The following ERC2 variants were observed in gnomAD, a reference collection of about 807,000 sequenced individuals.
ERC2 encodes ERC protein 2.
ERC2 carries 42 observed loss-of-function variants against 114.8 expected under a neutral mutation model. The observed-to-expected ratio is 0.37, with a 90% CI of 0.29 to 0.47. The LOEUF (loss-of-function observed/expected upper bound fraction) is 0.47, where lower values mean the gene tolerates loss of function less well. Among genes scored for constraint, ERC2 ranks in the 20% least tolerant of loss-of-function variants. The pLI is 0.99. For missense variants in ERC2, 939 were observed against 1,150.7 expected (o/e 0.82, Z 2.66); for synonymous variants, 454 against 425.5 (o/e 1.07, Z -0.82).
At chr3:55,752,556 A>G (rs531842786) in intron 14 of ERC2, among the ~76,000 whole-genome samples, 2 of 152,352 alleles carry the variant, frequency 1.3e-5, no homozygotes, top group African/African-American at 2.4e-5. Context: ...TAGGAAATAC[A>G]TAGCTAACAC....
At chr3:55,796,480 C>G (rs1057194166) in intron 14 of ERC2, among the ~76,000 whole-genome samples, 1 of 152,168 alleles carries the variant, frequency 6.6e-6, no homozygotes. Context: ...GGCTGGAGTG[C>G]AGCAGTGTGA....
At chr3:55,890,778 G>C (rs956972607) in intron 13 of ERC2, among the ~76,000 whole-genome samples, 1 of 152,186 alleles carries the variant, frequency 6.6e-6, no homozygotes, top group African/African-American at 2.4e-5. Context: ...CTTGGAGACA[G>C]AGTTTTAAAA....
At chr3:55,514,035 A>C (rs1442331969) in intron 17 of ERC2, among the ~76,000 whole-genome samples, 2 of 152,210 alleles carry the variant, frequency 1.3e-5, no homozygotes, top group Non-Finnish European at 2.9e-5. Context: ...AGAACGTTTC[A>C]GACCACGTTT....
chr3:55,626,744 G>A (rs1454313691), intron 17 of ERC2, among the ~76,000 whole-genome samples: 7 of 152,200 alleles, frequency 4.6e-5, no homozygotes, highest in Non-Finnish European at 5.9e-5. Flanking sequence ...CACCATAGAA[G>A]CTCCACAGTA....
At chr3:55,855,131 A>AC (rs2149250455) in intron 14 of ERC2, among the ~76,000 whole-genome samples, 1 of 152,330 alleles carries the variant, frequency 6.6e-6, no homozygotes, top group South Asian at 2.1e-4. Context: ...AAGGAGGTGA[A>AC]CTGCCCCATT....
At chr3:55,937,565 A>G (rs1374663548) in intron 13 of ERC2, among the ~76,000 whole-genome samples, 1 of 152,174 alleles carries the variant, frequency 6.6e-6, no homozygotes, top group Non-Finnish European at 1.5e-5. Flanking sequence ...GCTGCACCAG[A>G]TGATGGAAAA....
At chr3:55,924,950 A>G (rs1289329657) in intron 13 of ERC2, among the ~76,000 whole-genome samples, 1 of 152,184 alleles carries the variant, frequency 6.6e-6, no homozygotes, top group East Asian at 1.9e-4. Flanking sequence ...AGGACAGTAC[A>G]GAGAATTATA....
At chr3:55,785,986 T>C (rs1354051891) in intron 14 of ERC2, among the ~76,000 whole-genome samples, 1 of 152,238 alleles carries the variant, frequency 6.6e-6, no homozygotes, top group East Asian at 1.9e-4. Context: ...ATTTATCCTT[T>C]CACTTATTTT....
chr3:56,010,634 G>A (rs2072847428), intron 8 of ERC2, 45 bp from the exon 9 acceptor site: 1 of 1,585,652 alleles, frequency 6.3e-7, no homozygotes, highest in South Asian at 1.1e-5. Flanking sequence ...ACCCATCAGT[G>A]TATATGCCAA....
chr3:55,984,280 C>T (rs1189383575), intron 12 of ERC2, among the ~76,000 whole-genome samples: 2 of 151,536 alleles, frequency 1.3e-5, no homozygotes, highest in African/African-American at 4.9e-5. Flanking sequence ...TGTTCTTTCA[C>T]CATGAAATAG....
intron 15 of ERC2, among the ~76,000 whole-genome samples, chr3:55,710,615 T>C (rs2063730451): frequency 6.6e-6 from 1 of 152,214 alleles, no homozygotes; most frequent in East Asian, 1.9e-4. Context: ...GAAGTTGAAA[T>C]AGCTTAAGTA....
intron 17 of ERC2, among the ~76,000 whole-genome samples, chr3:55,668,316 G>A (rs2061433020): frequency 6.6e-6 from 1 of 152,080 alleles, no homozygotes. Flanking sequence ...ATGACAACTG[G>A]GTTACAGTCT....
At chr3:56,410,625 G>A (rs1398037236) in intron 2 of ERC2, among the ~76,000 whole-genome samples, 1 of 152,108 alleles carries the variant, frequency 6.6e-6, no homozygotes, top group Non-Finnish European at 1.5e-5. Context: ...TTTAGAGGCA[G>A]TTTTTTGTTT....
chr3:55,808,940 T>C (rs1464072558), intron 14 of ERC2, among the ~76,000 whole-genome samples: 1 of 151,542 alleles, frequency 6.6e-6, no homozygotes, highest in Non-Finnish European at 1.5e-5. Flanking sequence ...TATTGATTTA[T>C]TTATTAACTT....
At chr3:56,069,855 GA>G (rs1374661053) in intron 7 of ERC2, among the ~76,000 whole-genome samples, 2 of 152,128 alleles carry the variant, frequency 1.3e-5, no homozygotes, top group African/African-American at 4.8e-5. Context: ...CAACTTCCAT[GA>G]AAACAGTCTG....
At chr3:55,740,963 A>G (rs1575447644) in intron 14 of ERC2, among the ~76,000 whole-genome samples, 2 of 152,152 alleles carry the variant, frequency 1.3e-5, no homozygotes, top group East Asian at 3.9e-4. Flanking sequence ...TAAGTGTAAT[A>G]CAAATATTCC....
intron 14 of ERC2, among the ~76,000 whole-genome samples, chr3:55,829,525 AT>A (rs2060479157): frequency 6.6e-6 from 1 of 152,072 alleles, no homozygotes. Context: ...ATCAAAATAT[AT>A]TTTTTCTTTA....
chr3:56,263,444 A>G (rs2053082720), intron 3 of ERC2, among the ~76,000 whole-genome samples: 1 of 152,038 alleles, frequency 6.6e-6, no homozygotes, highest in Non-Finnish European at 1.5e-5. Context: ...CCCATCTGTC[A>G]TCTGCCCTAT....
chr3:56,017,954 C>G (rs537548563), intron 8 of ERC2, among the ~76,000 whole-genome samples: 4 of 152,124 alleles, frequency 2.6e-5, no homozygotes, highest in African/African-American at 4.8e-5. Context: ...AAAGATAACA[C>G]ACACATAGCA....
Sources: allele counts gnomAD v4.1 joint callset (sites outside exome capture counted in the v4.1 genomes callset), GRCh38; gene constraint gnomAD v4.1.1; transcripts MANE v1.5; gene names NCBI Gene and HGNC (gene_info 2026-07-23, HGNC 2026-07-21).